Variants in ZNF609 observed in about 807,000 individuals in gnomAD.
ZNF609 encodes zinc finger protein 609.
In ZNF609, 11 loss-of-function variants were observed where a neutral mutation model predicts 109.5. The ratio of observed to expected loss-of-function variants is 0.10; its 90% CI spans 0.06 to 0.17. The LOEUF (loss-of-function observed/expected upper bound fraction) is 0.17, where lower values mean the gene tolerates loss of function less well. Ranked by LOEUF, ZNF609 falls within the 10% of genes least tolerant of loss-of-function variation. The probability of loss-of-function intolerance (pLI) is 1.00; values close to 1 mark genes in which losing one functional copy is unlikely to be tolerated. For missense variants in ZNF609, 1,559 were observed against 1,772.4 expected (o/e 0.88, Z 2.16); for synonymous variants, 646 against 662.0 (o/e 0.98, Z 0.37).
chr15:64,666,050 G>A (rs1292981921), intron 3 of ZNF609, among the ~76,000 whole-genome samples: 1 of 149,806 alleles, frequency 6.7e-6, no homozygotes, highest in African/African-American at 2.5e-5. Context: ...ACTCCACCCT[G>A]GGCAACAGAG....
Position 64,618,278 on chromosome 15 carries a change from A to G in ZNF609, c.748-4549A>G, listed in dbSNP as rs116095859. Among the ~76,000 whole-genome samples, 375 of 152,162 alleles carry G rather than the reference A, an allele frequency of 2.5e-3. 2 individuals carry two copies. The highest frequency in any genetic ancestry group is 8.5e-3 in the African/African-American group (354 of 41,510). ...CCTTGTCCCCCTCACAGGGCGTGCA[A>G]TGGGAGTGTGGCTCACTTCTTCACT... On this transcript the variant is annotated intron_variant, in intron 2 of 9. Transcript: ENST00000326648.
At position 64,460,599 on chromosome 15, in the gene ZNF609, C is replaced by CGGCGGCGGT. The variant is rs947319984; in HGVS notation, c.-358_-350dup. 20 of 162,346 alleles carry CGGCGGCGGT rather than the reference C, an allele frequency of 1.2e-4. No individual in the cohort carries two copies. The highest frequency in any genetic ancestry group is 1.7e-4 in the Non-Finnish European group (13 of 76,226). The allele number at this position is 162,346 out of a possible 1,614,324, so 10.1% of individuals were successfully genotyped here. On this transcript the variant is annotated 5_prime_UTR_variant, in exon 1 of 10. Coordinates refer to ENST00000326648, the MANE Select transcript of ZNF609 (RefSeq NM_015042.2). Reference sequence around the variant, plus strand: ...CTCTGGTTGTCCCGGATCGCGGCGGCGGCGGCGGTGGCGGCGGCTGAGGGA... The same window carrying CGGCGGCGGT: ...CTCTGGTTGTCCCGGATCGCGGCGGCGGCGGCGGTGGCGGCGGTGGCGGCGGCTGAGGGA...
At chr15:64,635,227 T>A (rs1313942583) in intron 3 of ZNF609, among the ~76,000 whole-genome samples, 1 of 152,226 alleles carries the variant, frequency 6.6e-6, no homozygotes, top group African/African-American at 2.4e-5. Flanking sequence ...CAAATGAGAT[T>A]CTTTTTATAT....
intron 1 of ZNF609, among the ~76,000 whole-genome samples, chr15:64,463,013 G>A (rs995159607): frequency 1.4e-4 from 21 of 152,292 alleles, no homozygotes; most frequent in African/African-American, 4.6e-4. Flanking sequence ...CAGCACTTTG[G>A]GAGGCTGAGG....
At chr15:64,494,755 C>T (rs975346214) in intron 1 of ZNF609, among the ~76,000 whole-genome samples, 1 of 152,032 alleles carries the variant, frequency 6.6e-6, no homozygotes, top group Admixed American at 6.6e-5. Flanking sequence ...TAAACTCTGA[C>T]CTCAGGTAAT....
chr15:64,644,334 A>T (rs1168378344), intron 3 of ZNF609, among the ~76,000 whole-genome samples: 2 of 151,854 alleles, frequency 1.3e-5, no homozygotes, highest in African/African-American at 2.4e-5. Context: ...AAAAAAATTT[A>T]AAAATTAGCT....
At chr15:64,532,737 A>T (rs1333127211) in intron 2 of ZNF609, among the ~76,000 whole-genome samples, 1 of 152,188 alleles carries the variant, frequency 6.6e-6, no homozygotes, top group African/African-American at 2.4e-5. Flanking sequence ...AGATGTCAAG[A>T]TCGTTAGGTG....
chr15:64,634,922 T>C (rs976332910), intron 3 of ZNF609, among the ~76,000 whole-genome samples: 1 of 151,912 alleles, frequency 6.6e-6, no homozygotes, highest in African/African-American at 2.4e-5. Flanking sequence ...CATTCCCACC[T>C]AGCAGCTTAC....
chr15:64,572,982 G>C (rs1278348900), intron 2 of ZNF609, among the ~76,000 whole-genome samples: 1 of 152,182 alleles, frequency 6.6e-6, no homozygotes, highest in Non-Finnish European at 1.5e-5. Flanking sequence ...GGCTAGAAAA[G>C]CATGGACCTA....
At chr15:64,508,931 C>G (rs747515446) in intron 2 of ZNF609, among the ~76,000 whole-genome samples, 1 of 151,994 alleles carries the variant, frequency 6.6e-6, no homozygotes, top group Non-Finnish European at 1.5e-5. Flanking sequence ...TAACTTCAAG[C>G]GATCCTCCTG....
At chr15:64,561,064 A>G (rs1567014745) in intron 2 of ZNF609, among the ~76,000 whole-genome samples, 1 of 152,158 alleles carries the variant, frequency 6.6e-6, no homozygotes, top group Non-Finnish European at 1.5e-5. Context: ...TCCCATTCAT[A>G]TACCACCCAC....
intron 3 of ZNF609, among the ~76,000 whole-genome samples, chr15:64,645,339 C>T (rs1373288958): frequency 6.6e-6 from 1 of 152,020 alleles, no homozygotes; most frequent in Non-Finnish European, 1.5e-5. Flanking sequence ...GATCTGCCTA[C>T]CACAGCCTCC....
chr15:64,537,116 G>T (rs773943575), intron 2 of ZNF609, among the ~76,000 whole-genome samples: 1 of 151,056 alleles, frequency 6.6e-6, no homozygotes, highest in Non-Finnish European at 1.5e-5. Context: ...CCAGCTACTC[G>T]GGAGGCTGAG....
chr15:64,625,082 A>G (rs1235671004), intron 3 of ZNF609, among the ~76,000 whole-genome samples: 3 of 150,988 alleles, frequency 2.0e-5, no homozygotes, highest in African/African-American at 5.0e-5. Flanking sequence ...AAGGTACTCT[A>G]TACTTTATTT....
chr15:64,647,048 C>A (rs967575521), intron 3 of ZNF609, among the ~76,000 whole-genome samples: 3 of 151,074 alleles, frequency 2.0e-5, no homozygotes, highest in African/African-American at 7.3e-5. Context: ...GTACTCCCAG[C>A]TACTCAGGAG....
At position 64,680,561 on chromosome 15, in the gene ZNF609, TTGTG is replaced by T. The variant is rs147044397; in HGVS notation, c.3946-60_3946-57del. 5.8e-3 allele frequency: 6,509 copies of T among 1,124,206 alleles called. 7 individuals carry two copies. Among genetic ancestry groups the T allele is most frequent in the Non-Finnish European group, 6.9e-3 (5,436 of 793,522 alleles). The allele number at this position is 1,124,206 out of a possible 1,614,324, so 69.6% of individuals were successfully genotyped here. ...TAAGGTGGCACCCTGGGCATCTCAC[TTGTG>T]TGTGTGTGTGTGTGTGTGTGTGTGG... On this transcript the variant is annotated intron_variant, in intron 7 of 9. Transcript: ENST00000326648.
At chr15:64,601,087 G>C (rs934535090) in intron 2 of ZNF609, among the ~76,000 whole-genome samples, 3 of 152,154 alleles carry the variant, frequency 2.0e-5, no homozygotes, top group African/African-American at 4.8e-5. Context: ...CAAGTCCTGT[G>C]ATTTGGCCCT....
chr15:64,676,426 AT>A (rs1477714354), intron 5 of ZNF609, among the ~76,000 whole-genome samples, 170 bp downstream of exon 5: 1 of 150,946 alleles, frequency 6.6e-6, no homozygotes, highest in African/African-American at 2.5e-5. Flanking sequence ...TTTTTATTTT[AT>A]TTTAGTATTA....
Position 64,680,280 on chromosome 15 carries a change from A to T in ZNF609, c.3865A>T (p.Thr1289Ser), listed in dbSNP as rs546561113. Residue 1289 changes from threonine to serine, a missense_variant, in exon 7 of 10, where the codon ACT becomes TCT. Coordinates refer to ENST00000326648, the MANE Select transcript of ZNF609 (RefSeq NM_015042.2). The stretch of plus-strand genomic sequence containing the variant: ...CAAGGCACGAGCCAGCCCCAGTGTG[A>T]CTTGTAAATCCAGCTCAGAGTCCAA... ...ADKARASPSV[T>S]CKSSSESKAL... 6.2e-7 allele frequency: 1 copy of T among 1,614,190 alleles called. No individual in the cohort carries two copies. The highest frequency in any genetic ancestry group is 1.1e-5 in the South Asian group (1 of 91,084).
Sources: allele counts gnomAD v4.1 joint callset (sites outside exome capture counted in the v4.1 genomes callset), GRCh38; gene constraint gnomAD v4.1.1; transcripts MANE v1.5; gene names NCBI Gene and HGNC (gene_info 2026-07-23, HGNC 2026-07-21).